The following RGS6 variants were observed in gnomAD, a reference collection of about 807,000 sequenced individuals.
The protein encoded by RGS6 is regulator of G protein signaling 6.
Under a neutral mutation model 78.5 loss-of-function variants are expected in RGS6, and 30 were observed. That is an observed-to-expected ratio of 0.38 (90% CI 0.29 to 0.52). RGS6 has a LOEUF of 0.52. Among genes scored for constraint, RGS6 ranks in the 20% least tolerant of loss-of-function variants. The pLI is 0.85. For missense variants in RGS6, 495 were observed against 609.7 expected (o/e 0.81, Z 1.98); for synonymous variants, 206 against 206.0 (o/e 1.00, Z 0.00).
intron 2 of RGS6, among the ~76,000 whole-genome samples, chr14:72,052,989 C>T (rs796412870): frequency 0.17 from 10,916 of 63,098 alleles, 807 homozygotes; most frequent in East Asian, 0.38. Flanking sequence ...TTCTTTCTCT[C>T]TCTCTCTCTC....
At chr14:71,972,507 C>T (rs1260060556) in intron 2 of RGS6, among the ~76,000 whole-genome samples, 3 of 152,114 alleles carry the variant, frequency 2.0e-5, no homozygotes, top group Non-Finnish European at 4.4e-5. Context: ...TGAGACTCTG[C>T]GTTTCTTGAT....
chr14:72,186,428 A>G (rs1335695178), intron 2 of RGS6, among the ~76,000 whole-genome samples: 1 of 152,312 alleles, frequency 6.6e-6, no homozygotes, highest in South Asian at 2.1e-4. Flanking sequence ...TGATGTGTTT[A>G]TCTTCTCCAG....
intron 2 of RGS6, among the ~76,000 whole-genome samples, chr14:72,174,642 C>T (rs2097079644): frequency 6.6e-6 from 1 of 152,194 alleles, no homozygotes; most frequent in Non-Finnish European, 1.5e-5. Context: ...AGTGCATGAA[C>T]TGTGATACAA....
At chr14:72,304,309 A>G (rs2066753210) in intron 2 of RGS6, among the ~76,000 whole-genome samples, 1 of 152,208 alleles carries the variant, frequency 6.6e-6, no homozygotes, top group Non-Finnish European at 1.5e-5. Flanking sequence ...ACCTTTACCA[A>G]CTGGGTGAAT....
intron 11 of RGS6, among the ~76,000 whole-genome samples, chr14:72,477,961 C>G (rs534696103): frequency 2.0e-5 from 3 of 152,306 alleles, no homozygotes; most frequent in African/African-American, 7.2e-5. Context: ...GCACATTTCA[C>G]CTGTCCATGC....
the RGS6 span, among the ~76,000 whole-genome samples, chr14:72,602,376 A>G: frequency 6.6e-6 from 1 of 152,208 alleles, no homozygotes; most frequent in Non-Finnish European, 1.5e-5. Flanking sequence ...TACACATGTG[A>G]CTGTGTTTAA....
chr14:72,409,760 G>A (rs1184789929), intron 3 of RGS6, among the ~76,000 whole-genome samples: 1 of 151,792 alleles, frequency 6.6e-6, no homozygotes, highest in African/African-American at 2.4e-5. Context: ...TCCCCTTCCT[G>A]TGTCCATGTG....
At chr14:72,327,054 A>G (rs1383128138) in intron 2 of RGS6, among the ~76,000 whole-genome samples, 1 of 152,216 alleles carries the variant, frequency 6.6e-6, no homozygotes, top group Non-Finnish European at 1.5e-5. Flanking sequence ...CGTATACATT[A>G]GAACCTGATT....
At chr14:72,618,165 C>T in the RGS6 span, among the ~76,000 whole-genome samples, 650 of 152,274 alleles carry the variant, frequency 4.3e-3, 7 homozygotes, top group African/African-American at 0.015. Flanking sequence ...TGAATAATGA[C>T]CATGTCACCC....
At chr14:72,266,086 G>A (rs142328078) in intron 2 of RGS6, among the ~76,000 whole-genome samples, 27 of 152,214 alleles carry the variant, frequency 1.8e-4, no homozygotes, top group African/African-American at 6.3e-4. Context: ...TTTGTGGATC[G>A]GGAATTCCAG....
At chr14:72,099,629 C>T (rs1277161779) in intron 2 of RGS6, among the ~76,000 whole-genome samples, 1 of 152,156 alleles carries the variant, frequency 6.6e-6, no homozygotes, top group African/African-American at 2.4e-5. Flanking sequence ...GATAGAAACA[C>T]CCATTTCCAG....
chr14:72,548,342 T>TGTGTGTGTGCGC (rs796698263), intron 17 of RGS6, among the ~76,000 whole-genome samples: 42 of 134,830 alleles, frequency 3.1e-4, no homozygotes, highest in African/African-American at 1.2e-3. Flanking sequence ...TGTGTGTGTG[T>TGTGTGTGTGCGC]GCGCGCGTGT....
chr14:72,268,776 A>G, intron 2 of RGS6, among the ~76,000 whole-genome samples: 1 of 152,118 alleles, frequency 6.6e-6, no homozygotes, highest in Non-Finnish European at 1.5e-5. Flanking sequence ...CCGCCCCATA[A>G]GACAATAATG....
intron 2 of RGS6, among the ~76,000 whole-genome samples, chr14:72,281,705 C>CT (rs1567654971): frequency 6.6e-6 from 1 of 152,092 alleles, no homozygotes; most frequent in African/African-American, 2.4e-5. Flanking sequence ...GAAGCCCTTT[C>CT]TAGGAGAAGG....
intron 3 of RGS6, among the ~76,000 whole-genome samples, chr14:72,375,448 C>A (rs2152855692): frequency 6.6e-6 from 1 of 152,342 alleles, no homozygotes; most frequent in South Asian, 2.1e-4. Context: ...ATGGGCCACC[C>A]CTGGCAGACA....
intron 3 of RGS6, among the ~76,000 whole-genome samples, chr14:72,390,966 C>T (rs1485423984): frequency 6.6e-6 from 1 of 152,180 alleles, no homozygotes; most frequent in East Asian, 1.9e-4. Context: ...GAACCTTCCA[C>T]TCAGACTTCA....
upstream of RGS6, among the ~76,000 whole-genome samples, chr14:71,931,535 C>T (rs1410274639): frequency 6.6e-6 from 1 of 150,712 alleles, no homozygotes; most frequent in Non-Finnish European, 1.5e-5. Flanking sequence ...GGTCATCCAT[C>T]GTTAAAGGCA....
intron 9 of RGS6, among the ~76,000 whole-genome samples, chr14:72,474,274 T>G (rs59884363): frequency 0.021 from 3,131 of 152,076 alleles, 88 homozygotes; most frequent in East Asian, 0.094. Context: ...AAGCAAAAAA[T>G]AAATAAATAG....
At chr14:72,508,316 A>G (rs1051174139) in intron 13 of RGS6, among the ~76,000 whole-genome samples, 3 of 152,220 alleles carry the variant, frequency 2.0e-5, no homozygotes, top group African/African-American at 7.2e-5. Context: ...GCATACCAAT[A>G]TAGTAGCCAC....
Sources: allele counts gnomAD v4.1 joint callset (sites outside exome capture counted in the v4.1 genomes callset), GRCh38; gene constraint gnomAD v4.1.1; transcripts MANE v1.5; gene names NCBI Gene and HGNC (gene_info 2026-07-23, HGNC 2026-07-21).